Variants in PTPRM observed in about 807,000 individuals in gnomAD.
The protein encoded by PTPRM is protein tyrosine phosphatase receptor type M.
Under a neutral mutation model 186.7 loss-of-function variants are expected in PTPRM, and 47 were observed. That is an observed-to-expected ratio of 0.25 (90% CI 0.20 to 0.32). PTPRM has a LOEUF of 0.32. PTPRM is among the 10% of genes least tolerant of loss of function. The pLI is 1.00. For missense variants in PTPRM, 1,494 were observed against 1,865.0 expected, an observed-to-expected ratio of 0.80 and a Z score of 3.66; for synonymous variants, 668 against 674.9, an observed-to-expected ratio of 0.99 and a Z score of 0.16.
intron 7 of PTPRM, among the ~76,000 whole-genome samples, chr18:8,058,064 C>T (rs2148333959): frequency 8.6e-6 from 1 of 115,798 alleles, no homozygotes; most frequent in South Asian, 3.4e-4. Flanking sequence ...GTTGACAGTC[C>T]CACCAACAGT....
At chr18:7,924,844 A>G (rs778212337) in intron 4 of PTPRM, among the ~76,000 whole-genome samples, 1 of 152,182 alleles carries the variant, frequency 6.6e-6, no homozygotes, top group African/African-American at 2.4e-5. Flanking sequence ...TGCAAGTGGG[A>G]TGAAGAGATA....
intron 9 of PTPRM, among the ~76,000 whole-genome samples, chr18:8,083,974 A>C (rs2090293103): frequency 6.6e-6 from 1 of 152,168 alleles, no homozygotes; most frequent in African/African-American, 2.4e-5. Flanking sequence ...GTATGCATTT[A>C]TGTTTCATTA....
At chr18:8,110,360 C>T (rs1247856708) in intron 11 of PTPRM, among the ~76,000 whole-genome samples, 1 of 152,192 alleles carries the variant, frequency 6.6e-6, no homozygotes, top group Non-Finnish European at 1.5e-5. Flanking sequence ...CATTGAGGGT[C>T]TGTGTTTTAG....
chr18:7,705,309 ATCTATCTATCTATCTATCTG>A (rs1441459574), intron 1 of PTPRM, among the ~76,000 whole-genome samples: 5 of 147,000 alleles, frequency 3.4e-5, no homozygotes, highest in Non-Finnish European at 4.6e-5. Context: ...CTATCTATCT[ATCTATCTATCTATCTATCTG>A]TCTATCTAGC....
At chr18:7,985,495 A>ACGTAAATATATACATATACTGGTAGATG (rs2082903178) in intron 7 of PTPRM, among the ~76,000 whole-genome samples, 6 of 145,858 alleles carry the variant, frequency 4.1e-5, no homozygotes, top group African/African-American at 1.6e-4. Context: ...ACTGGTAGAT[A>ACGTAAATATATACATATACTGGTAGATG]CGTATATAAA....
chr18:8,215,545 C>CTTTTTTTTTTTTTTT (rs11334182), intron 14 of PTPRM, among the ~76,000 whole-genome samples: 6 of 116,324 alleles, frequency 5.2e-5, no homozygotes, highest in Admixed American at 9.3e-5. Context: ...TCTTTCTTTT[C>CTTTTTTTTTTTTTTT]TTTTTTTTTT....
chr18:7,805,261 G>A (rs904938976), intron 2 of PTPRM, among the ~76,000 whole-genome samples: 6 of 151,904 alleles, frequency 3.9e-5, no homozygotes, highest in Admixed American at 1.3e-4. Flanking sequence ...CTCTTAAACC[G>A]CCCTCATTAT....
At chr18:7,793,632 C>T (rs577591942) in intron 2 of PTPRM, among the ~76,000 whole-genome samples, 5 of 152,206 alleles carry the variant, frequency 3.3e-5, no homozygotes, top group Admixed American at 1.3e-4. Flanking sequence ...CCTTATTCAA[C>T]AGTGGCTCAA....
chr18:7,794,599 AG>A (rs2145251417), intron 2 of PTPRM, among the ~76,000 whole-genome samples: 2 of 152,370 alleles, frequency 1.3e-5, no homozygotes, highest in East Asian at 3.9e-4. Flanking sequence ...GAGACTTATG[AG>A]TAAGATTAAA....
At chr18:8,094,376 AAAG>A (rs1171909619) in intron 11 of PTPRM, among the ~76,000 whole-genome samples, 1 of 151,982 alleles carries the variant, frequency 6.6e-6, no homozygotes, top group African/African-American at 2.4e-5. Context: ...CAAAAAAAAA[AAAG>A]ATATAAATGT....
intron 7 of PTPRM, among the ~76,000 whole-genome samples, chr18:8,067,636 T>C (rs1019245940): frequency 1.3e-5 from 2 of 152,172 alleles, no homozygotes; most frequent in African/African-American, 4.8e-5. Flanking sequence ...TTGTCAGAGG[T>C]TGCAGGTAAA....
intron 1 of PTPRM, among the ~76,000 whole-genome samples, chr18:7,597,934 A>G (rs1378859964): frequency 6.6e-6 from 1 of 152,184 alleles, no homozygotes; most frequent in Non-Finnish European, 1.5e-5. Flanking sequence ...CCATTTATAA[A>G]TAACTCATAT....
At chr18:7,857,292 G>T (rs1019208874) in intron 2 of PTPRM, among the ~76,000 whole-genome samples, 1 of 152,124 alleles carries the variant, frequency 6.6e-6, no homozygotes, top group African/African-American at 2.4e-5. Flanking sequence ...TTGGAAACTA[G>T]ATTGTTAAAC....
At chr18:8,274,986 A>G (rs906333668) in intron 19 of PTPRM, among the ~76,000 whole-genome samples, 4 of 152,320 alleles carry the variant, frequency 2.6e-5, no homozygotes, top group Admixed American at 2.0e-4. Flanking sequence ...TGTAGGAAAC[A>G]TGTTTCTTCT....
intron 2 of PTPRM, among the ~76,000 whole-genome samples, chr18:7,842,908 A>ATG (rs1491416761): frequency 9.9e-6 from 1 of 100,648 alleles, no homozygotes; most frequent in African/African-American, 5.7e-5. Context: ...TATGTTTCTC[A>ATG]TATGTGTGTG....
intron 5 of PTPRM, among the ~76,000 whole-genome samples, chr18:7,935,276 A>G (rs2051735675): frequency 6.6e-6 from 1 of 152,144 alleles, no homozygotes; most frequent in East Asian, 1.9e-4. Flanking sequence ...AATTTTGAGT[A>G]CTTAAAATCA....
chr18:7,610,723 T>G (rs1019032297), intron 1 of PTPRM, among the ~76,000 whole-genome samples: 3 of 152,262 alleles, frequency 2.0e-5, no homozygotes, highest in Non-Finnish European at 2.9e-5. Flanking sequence ...TACTGTGTTG[T>G]CAGTCATATA....
rs143713883 is a variant in PTPRM, at chr18:8,031,514, A to T, written c.1133-38172A>T. ...AACAAAGCAGTCTGGACAGAAAGCTAGTTCTGCAAAAAAACTCAGGGCAAA... is the reference window on the plus strand; with the variant it reads ...AACAAAGCAGTCTGGACAGAAAGCTTGTTCTGCAAAAAAACTCAGGGCAAA... On this transcript the variant is annotated intron_variant, in intron 7 of 32. Transcript: ENST00000580170. 9.5e-3 allele frequency among the ~76,000 whole-genome samples: 1,451 copies of T among 152,338 alleles called. 24 individuals carry two copies. The highest frequency in any genetic ancestry group is 0.032 in the African/African-American group (1,343 of 41,580).
chr18:7,923,343 A>G (rs1039736288), intron 4 of PTPRM, among the ~76,000 whole-genome samples: 3 of 152,158 alleles, frequency 2.0e-5, no homozygotes, highest in African/African-American at 7.2e-5. Context: ...AGTGTGCCAG[A>G]TAACTTCAGC....
Sources: allele counts gnomAD v4.1 joint callset (sites outside exome capture counted in the v4.1 genomes callset), GRCh38; gene constraint gnomAD v4.1.1; transcripts MANE v1.5; gene names NCBI Gene and HGNC (gene_info 2026-07-23, HGNC 2026-07-21).